SGCZ: variants seen among roughly 807,000 people sequenced by gnomAD.
SGCZ encodes sarcoglycan zeta.
Under a neutral mutation model 41.3 loss-of-function variants are expected in SGCZ, and 40 were observed. The observed-to-expected ratio is 0.97, with a 90% CI of 0.75 to 1.26. The LOEUF is 1.26. Ranked by LOEUF, SGCZ falls within the 50% of genes most tolerant of loss-of-function variation. The pLI, the probability that SGCZ is intolerant of heterozygous loss-of-function variation, is 0.00. For missense variants in SGCZ, 552 were observed against 369.8 expected (o/e 1.49, Z -4.04); for synonymous variants, 206 against 137.5 (o/e 1.50, Z -3.49).
At chr8:15,171,860 T>C (rs543230746) in intron 1 of SGCZ, among the ~76,000 whole-genome samples, 37 of 152,274 alleles carry the variant, frequency 2.4e-4, no homozygotes, top group African/African-American at 8.2e-4. Context: ...TGCATATTCA[T>C]TGCCAAACGA....
intron 1 of SGCZ, among the ~76,000 whole-genome samples, chr8:14,756,626 G>A (rs1030072264): frequency 1.3e-5 from 2 of 152,170 alleles, no homozygotes; most frequent in Non-Finnish European, 2.9e-5. Flanking sequence ...CATAACAGGC[G>A]TGCTTCTAAT....
chr8:14,291,902 G>T (rs375692571), intron 3 of SGCZ, among the ~76,000 whole-genome samples: 1 of 151,914 alleles, frequency 6.6e-6, no homozygotes, highest in Non-Finnish European at 1.5e-5. Context: ...TCTATGATTC[G>T]CATTCTGAGT....
chr8:14,773,282 C>A (rs1800305260), intron 1 of SGCZ, among the ~76,000 whole-genome samples: 1 of 152,094 alleles, frequency 6.6e-6, no homozygotes, highest in South Asian at 2.1e-4. Flanking sequence ...TTTCAACGTG[C>A]CTTTAATTTT....
intron 2 of SGCZ, among the ~76,000 whole-genome samples, chr8:14,392,994 G>C (rs1470305538): frequency 6.6e-6 from 1 of 152,054 alleles, no homozygotes; most frequent in Non-Finnish European, 1.5e-5. Flanking sequence ...TCAGGAGATA[G>C]AACTCAAACT....
intron 2 of SGCZ, among the ~76,000 whole-genome samples, chr8:14,513,908 G>A (rs557223629): frequency 6.6e-6 from 1 of 152,112 alleles, no homozygotes; most frequent in East Asian, 1.9e-4. Flanking sequence ...AAACAACATT[G>A]CTTATTTCTT....
At chr8:14,715,125 T>C (rs1168288432) in intron 1 of SGCZ, among the ~76,000 whole-genome samples, 1 of 152,116 alleles carries the variant, frequency 6.6e-6, no homozygotes, top group South Asian at 2.1e-4. Context: ...TGCATATTCA[T>C]GGAAATCTGG....
intron 2 of SGCZ, among the ~76,000 whole-genome samples, chr8:14,424,729 T>G (rs1799730484): frequency 6.6e-6 from 1 of 152,242 alleles, no homozygotes; most frequent in Non-Finnish European, 1.5e-5. Flanking sequence ...TTTTACTATT[T>G]TAATCAATGT....
chr8:14,689,076 G>C (rs563512587), intron 1 of SGCZ, among the ~76,000 whole-genome samples: 2 of 151,976 alleles, frequency 1.3e-5, no homozygotes, highest in African/African-American at 4.8e-5. Context: ...TATTATAATA[G>C]TTCTTTTCTA....
intron 5 of SGCZ, among the ~76,000 whole-genome samples, chr8:14,121,613 T>C (rs995801965): frequency 6.6e-6 from 1 of 152,262 alleles, no homozygotes; most frequent in South Asian, 2.1e-4. Context: ...TAACATCAGA[T>C]AGACTTTTCC....
intron 5 of SGCZ, among the ~76,000 whole-genome samples, chr8:14,143,448 C>A (rs1803432175): frequency 6.6e-6 from 1 of 152,132 alleles, no homozygotes; most frequent in African/African-American, 2.4e-5. Flanking sequence ...TTTTCTATAA[C>A]TCATAAATGC....
chr8:14,621,071 A>T (rs1806268142), intron 1 of SGCZ, among the ~76,000 whole-genome samples: 2 of 152,148 alleles, frequency 1.3e-5, no homozygotes, highest in South Asian at 2.1e-4. Context: ...TGGATTAAGA[A>T]AATGTGGCAC....
In SGCZ at chr8:14,910,737, T is replaced by C. The variant is rs564537296; in HGVS notation, c.39+326848A>G. On this transcript the variant is annotated intron_variant, in intron 1 of 7. Coordinates refer to ENST00000382080, the MANE Select transcript of SGCZ (RefSeq NM_139167.4). Reference sequence around the variant, plus strand: ...TCTTCAAATTTATATATTTTTATTATACCTATTATGAAAATAGGAAGACAA... The same window carrying C: ...TCTTCAAATTTATATATTTTTATTACACCTATTATGAAAATAGGAAGACAA... 3.9e-5 allele frequency among the ~76,000 whole-genome samples: 6 copies of C among 152,090 alleles called. No homozygotes were observed. In the South Asian group the frequency reaches 6.2e-4, roughly 16 times the overall value.
intron 4 of SGCZ, among the ~76,000 whole-genome samples, chr8:14,198,180 C>T (rs1372774222): frequency 1.3e-5 from 2 of 152,164 alleles, no homozygotes; most frequent in East Asian, 1.9e-4. Context: ...CATTCTGTCC[C>T]ACCTGGGACA....
At chr8:15,140,315 G>C (rs781300815) in intron 1 of SGCZ, among the ~76,000 whole-genome samples, 1 of 152,086 alleles carries the variant, frequency 6.6e-6, no homozygotes, top group Non-Finnish European at 1.5e-5. Flanking sequence ...ATGAGCCACC[G>C]TGCCCAGTCA....
chr8:14,570,596 T>A (rs1804520685), intron 1 of SGCZ, among the ~76,000 whole-genome samples: 1 of 152,168 alleles, frequency 6.6e-6, no homozygotes, highest in Non-Finnish European at 1.5e-5. Context: ...CTAAGAAAAA[T>A]TATGTAATAT....
At chr8:14,289,458 G>A (rs1051947764) in intron 3 of SGCZ, among the ~76,000 whole-genome samples, 4 of 152,022 alleles carry the variant, frequency 2.6e-5, no homozygotes, top group African/African-American at 7.2e-5. Context: ...TATAGTGCAG[G>A]CAATGGTCAA....
chr8:14,261,236 G>A (rs1046231414), intron 3 of SGCZ, among the ~76,000 whole-genome samples: 2 of 152,110 alleles, frequency 1.3e-5, no homozygotes, highest in Admixed American at 6.6e-5. Context: ...CATCTGAGCT[G>A]CTACTCAAAG....
At chr8:14,579,468 G>A (rs1298359512) in intron 1 of SGCZ, among the ~76,000 whole-genome samples, 1 of 152,148 alleles carries the variant, frequency 6.6e-6, no homozygotes, top group African/African-American at 2.4e-5. Flanking sequence ...AAGTGAAGCA[G>A]TATTGATCTT....
chr8:14,164,198 T>A (rs930713133), intron 5 of SGCZ, among the ~76,000 whole-genome samples: 5 of 152,186 alleles, frequency 3.3e-5, no homozygotes, highest in African/African-American at 1.2e-4. Context: ...CCCCCTTACT[T>A]AATTCTAAAG....
Sources: allele counts gnomAD v4.1 joint callset (sites outside exome capture counted in the v4.1 genomes callset), GRCh38; gene constraint gnomAD v4.1.1; transcripts MANE v1.5; gene names NCBI Gene and HGNC (gene_info 2026-07-23, HGNC 2026-07-21).